The following ZC3H12C variants were observed in gnomAD, a reference collection of about 807,000 sequenced individuals.
ZC3H12C encodes zinc finger CCCH-type containing 12C.
In ZC3H12C, 20 loss-of-function variants were observed where a neutral mutation model predicts 76.3. The ratio of observed to expected loss-of-function variants is 0.26; its 90% CI spans 0.18 to 0.38. The LOEUF (loss-of-function observed/expected upper bound fraction) is 0.38. Among genes scored for constraint, ZC3H12C ranks in the 10% least tolerant of loss-of-function variants. The probability of loss-of-function intolerance (pLI) is 1.00; values close to 1 mark genes in which losing one functional copy is unlikely to be tolerated. For missense variants in ZC3H12C, 874 were observed against 1,086.5 expected (o/e 0.80, Z 2.75); for synonymous variants, 352 against 399.6 (o/e 0.88, Z 1.42).
At chr11:110,109,752 T>G (rs553385066) in intron 1 of ZC3H12C, among the ~76,000 whole-genome samples, 1 of 152,210 alleles carries the variant, frequency 6.6e-6, no homozygotes, top group Non-Finnish European at 1.5e-5. Context: ...GGCCATATCC[T>G]GTAGGCTATA....
intron 3 of ZC3H12C, 150 bp downstream of exon 3, chr11:110,153,208 GAT>G: frequency 9.5e-7 from 1 of 1,053,634 alleles, no homozygotes. Flanking sequence ...TGTTTTCTGA[GAT>G]AGAGTCTCCC....
In ZC3H12C at chr11:110,101,615, T is replaced by A. The variant is rs566389024; in HGVS notation, c.21+8183T>A. Among the ~76,000 whole-genome samples the A allele has an allele frequency of 3.3e-5, 5 of 151,482 alleles. No homozygotes were observed. In the South Asian group the frequency reaches 1.0e-3, roughly 32 times the overall value. On this transcript the variant is annotated intron_variant, in intron 1 of 5. Coordinates refer to ENST00000278590, the MANE Select transcript of ZC3H12C (RefSeq NM_033390.2). ...CAGGCTGGAATGCAGTGGTGCGATC[T>A]CAGCTCACTGCAACCTCTGCCTCCC...
intron 1 of ZC3H12C, among the ~76,000 whole-genome samples, chr11:110,129,469 A>G (rs1419664790): frequency 6.6e-6 from 1 of 152,140 alleles, no homozygotes; most frequent in Non-Finnish European, 1.5e-5. Context: ...GGAGTCCCAA[A>G]CTAGTGTTAC....
At chr11:110,104,969 G>A (rs1861296019) in intron 1 of ZC3H12C, among the ~76,000 whole-genome samples, 1 of 151,900 alleles carries the variant, frequency 6.6e-6, no homozygotes, top group Non-Finnish European at 1.5e-5. Context: ...TTATATTTTG[G>A]GTTTTTCAAA....
At chr11:110,153,180 G>A (rs1862307289) in intron 3 of ZC3H12C, 122 bp downstream of exon 3, 7 of 1,196,210 alleles carry the variant, frequency 5.9e-6, no homozygotes, top group Non-Finnish European at 8.0e-6. Flanking sequence ...GGACACAAAC[G>A]TTGTTTTTTG....
chr11:110,125,889 A>G (rs1249185130), intron 1 of ZC3H12C, among the ~76,000 whole-genome samples: 1 of 113,248 alleles, frequency 8.8e-6, no homozygotes, highest in East Asian at 3.2e-4. Flanking sequence ...CAGAGAACAT[A>G]GTGCTGAATC....
chr11:110,146,076 T>C (rs1250091937), intron 2 of ZC3H12C, among the ~76,000 whole-genome samples: 1 of 152,154 alleles, frequency 6.6e-6, no homozygotes, highest in Non-Finnish European at 1.5e-5. Flanking sequence ...AAGCTCCGCC[T>C]CCCGGGTTCA....
At chr11:110,113,604 G>A (rs1412618549) in intron 1 of ZC3H12C, among the ~76,000 whole-genome samples, 1 of 152,050 alleles carries the variant, frequency 6.6e-6, no homozygotes, top group African/African-American at 2.4e-5. Flanking sequence ...ACTGAGAAAG[G>A]GGTCTATGTT....
At chr11:110,141,271 T>A (rs1862063106) in intron 2 of ZC3H12C, among the ~76,000 whole-genome samples, 1 of 152,182 alleles carries the variant, frequency 6.6e-6, no homozygotes, top group Non-Finnish European at 1.5e-5. Flanking sequence ...TGCATTAAGC[T>A]GTGATAACTT....
chr11:110,128,964 G>A (rs984093699), intron 1 of ZC3H12C, among the ~76,000 whole-genome samples: 1 of 150,386 alleles, frequency 6.6e-6, no homozygotes, highest in Non-Finnish European at 1.5e-5. Flanking sequence ...CCCAATATGT[G>A]ACATTTGAAT....
rs1376081394 is a variant in ZC3H12C, at chr11:110,167,472, T to C, written c.*1735T>C. 6.6e-6 allele frequency: 1 copy of C among 152,094 alleles called. No individual in the cohort carries two copies. The highest frequency in any genetic ancestry group is 1.5e-5 in the Non-Finnish European group (1 of 67,942). 9.4% of individuals were successfully genotyped at this position (152,094 alleles called of 1,614,324 possible). On this transcript the variant is annotated 3_prime_UTR_variant, in exon 6 of 6. Coordinates refer to ENST00000278590, the MANE Select transcript of ZC3H12C (RefSeq NM_033390.2). The stretch of plus-strand genomic sequence containing the variant: ...TAGAAATGTCTGTCTTAGTTTTATA[T>C]AATATATTAAAACACAGTAAATAAA...
chr11:110,159,304 C>T lies in ZC3H12C; in HGVS notation c.962C>T (p.Thr321Met), dbSNP rs1424939494. The T allele has an allele frequency of 6.2e-7, 1 of 1,613,500 alleles. No individual in the cohort carries two copies. The change falls in exon 4 of 6, where the codon ACG becomes ATG. Residue 321 changes from threonine (T) to methionine (M), a missense_variant. Around this residue, in one of 3 missense-constraint regions of ZC3H12C, gnomAD observed 269 missense variants for 424.9 expected, o/e 0.63. Transcript: ENST00000278590. ...KLEKEKILVF[T>M]PSRRVQGRRV... ...GAGAAGGAGAAAATCCTGGTGTTCACGCCATCCCGGCGAGTCCAGGGGAGG... is the reference window on the plus strand; with the variant it reads ...GAGAAGGAGAAAATCCTGGTGTTCATGCCATCCCGGCGAGTCCAGGGGAGG...
intron 2 of ZC3H12C, among the ~76,000 whole-genome samples, chr11:110,145,912 T>C (rs1862158502): frequency 6.6e-6 from 1 of 152,218 alleles, no homozygotes; most frequent in Non-Finnish European, 1.5e-5. Context: ...ACAGGACCTA[T>C]TGGCTCGGGA....
intron 4 of ZC3H12C, 132 bp from the exon 5 acceptor site, chr11:110,163,141 C>T (rs1048999112): frequency 1.7e-5 from 11 of 635,766 alleles, no homozygotes; most frequent in South Asian, 4.8e-5. Flanking sequence ...ACTCTGTAAA[C>T]GTGGAATCAA....
chr11:110,121,881 T>C (rs763597837), intron 1 of ZC3H12C, among the ~76,000 whole-genome samples: 6 of 152,212 alleles, frequency 3.9e-5, no homozygotes, highest in Non-Finnish European at 8.8e-5. Flanking sequence ...TTTATTTTTT[T>C]TCCTGAATTC....
intron 1 of ZC3H12C, among the ~76,000 whole-genome samples, chr11:110,124,780 A>G (rs1393117398): frequency 1.3e-5 from 2 of 151,844 alleles, no homozygotes; most frequent in Non-Finnish European, 2.9e-5. Flanking sequence ...AACAAAACAA[A>G]GCAGAGGACC....
chr11:110,153,802 G>A (rs1862321024), intron 3 of ZC3H12C, among the ~76,000 whole-genome samples: 2 of 152,308 alleles, frequency 1.3e-5, no homozygotes, highest in African/African-American at 2.4e-5. Context: ...CATAAGATGT[G>A]CTTCAGTCCA....
intron 1 of ZC3H12C, among the ~76,000 whole-genome samples, chr11:110,124,794 G>C (rs986114500): frequency 2.0e-4 from 29 of 147,894 alleles, no homozygotes; most frequent in Non-Finnish European, 3.1e-4. Context: ...GAGGACCAGA[G>C]ACTTGTGATT....
chr11:110,093,564 C>T (rs1861050820), intron 1 of ZC3H12C, 132 bp downstream of exon 1: 2 of 593,438 alleles, frequency 3.4e-6, no homozygotes, highest in African/African-American at 2.0e-5. Context: ...GCGACCTCGC[C>T]GTGTGATCTC....
Sources: allele counts gnomAD v4.1 joint callset (sites outside exome capture counted in the v4.1 genomes callset), GRCh38; gene constraint gnomAD v4.1.1; regional missense constraint gnomAD v4.1.1; transcripts MANE v1.5; gene names NCBI Gene and HGNC (gene_info 2026-07-23, HGNC 2026-07-21).